Variants in ARF1 observed in about 807,000 individuals in gnomAD.
ARF1 encodes ARF GTPase 1, also known as ADP-ribosylation factor 1.
Under a neutral mutation model 18.0 loss-of-function variants are expected in ARF1, and 1 was observed. The observed-to-expected ratio is 0.06, with a 90% confidence interval of 0.02 to 0.26. The LOEUF (loss-of-function observed/expected upper bound fraction) is 0.26. Ranked by LOEUF, ARF1 falls within the 10% of genes least tolerant of loss-of-function variation. The pLI is 1.00. For missense variants in ARF1, 73 were observed against 247.2 expected, an observed-to-expected ratio of 0.30 and a Z score of 4.73; for synonymous variants, 112 against 96.3, an observed-to-expected ratio of 1.16 and a Z score of -0.95.
intron 1 of ARF1, among the ~76,000 whole-genome samples, chr1:228,087,556 A>T (rs55954688): frequency 1.2e-3 from 177 of 152,278 alleles, no homozygotes; most frequent in African/African-American, 4.1e-3. Context: ...AGAGTGGATC[A>T]CTTGAACCTA....
intron 1 of ARF1, chr1:228,091,071 G>C (rs2032562270): frequency 6.6e-6 from 1 of 152,208 alleles, no homozygotes; most frequent in Non-Finnish European, 1.5e-5. Flanking sequence ...CAAATAAGCA[G>C]GTAATGGTTC....
chr1:228,097,285 GTGGGC>G lies in ARF1; in HGVS notation c.148+39_149-37del, dbSNP rs575298975. The G allele has an allele frequency of 1.7e-5, 27 of 1,609,284 alleles. No individual in the cohort carries two copies. The highest frequency in any genetic ancestry group is 4.5e-5 in the East Asian group (2 of 44,804). On this transcript the variant is annotated intron_variant, in intron 2 of 4. Transcript: ENST00000272102. The surrounding 1 kb of genome is among the most constrained non-coding windows in gnomAD (Gnocchi z 8.1). Reference sequence around the variant, plus strand: ...TAGGTGAGGTGGGGGCCAGCAGGGAGTGGGCTGGGCTGGGCTGGGCCAAGGTACAA... The same window carrying G: ...TAGGTGAGGTGGGGGCCAGCAGGGAGTGGGCTGGGCTGGGCCAAGGTACAA...
intron 1 of ARF1, among the ~76,000 whole-genome samples, chr1:228,093,431 C>T (rs974781372): frequency 3.3e-5 from 5 of 151,968 alleles, no homozygotes; most frequent in African/African-American, 9.7e-5. Context: ...TGGAACATGC[C>T]GAGGCAGGAC....
intron 1 of ARF1, among the ~76,000 whole-genome samples, chr1:228,095,111 G>T (rs117741092): frequency 6.6e-6 from 1 of 152,070 alleles, no homozygotes; most frequent in Non-Finnish European, 1.5e-5. Context: ...CCTTCATTTT[G>T]AATTTTCCTT....
In ARF1 at chr1:228,097,546, G is replaced by C. The variant is rs201067408; in HGVS notation, c.260-45G>C. 5.6e-6 allele frequency: 9 copies of C among 1,610,320 alleles called. No individual in the cohort carries two copies. The highest frequency in any genetic ancestry group is 1.7e-5 in the Admixed American group (1 of 59,904). The stretch of plus-strand genomic sequence containing the variant: ...GGCATCGATGCCCATAGATGCGGCA[G>C]GGGGGCTGTGTTCCCATGACCATTT... On this transcript the variant is annotated intron_variant, in intron 3 of 4. Coordinates refer to ENST00000272102, the MANE Select transcript of ARF1 (RefSeq NM_001658.4). The surrounding 1 kb of genome is among the most constrained non-coding windows in gnomAD (Gnocchi z 8.1).
Position 228,097,409 on chromosome 1 carries a change from C to T in ARF1, c.216C>T (p.Asp72=), listed in dbSNP as rs2032787268. The T allele has an allele frequency of 1.9e-6, 3 of 1,614,074 alleles. No homozygotes were observed. The highest frequency in any genetic ancestry group is 1.7e-5 in the Admixed American group (1 of 60,004). The part of the protein sequence containing the change: ...SFTVWDVGGQ[D]KIRPLWRHYF... ...CTGTGTGGGACGTGGGTGGCCAGGA[C>T]AAGATCCGGCCCCTGTGGCGCCACT... Residue 72 remains aspartate, a synonymous_variant, in exon 3 of 5, where the codon GAC becomes GAT. Coordinates refer to ENST00000272102, the MANE Select transcript of ARF1 (RefSeq NM_001658.4). The surrounding 1 kb of genome is among the most constrained non-coding windows in gnomAD (Gnocchi z 8.1).
chr1:228,097,187 C>T lies in ARF1; in HGVS notation c.73C>T (p.Leu25=), dbSNP rs1454883041. 6.2e-7 allele frequency: 1 copy of T among 1,613,852 alleles called. No homozygotes were observed. The highest frequency in any genetic ancestry group is 1.3e-5 in the African/African-American group (1 of 74,926). The change falls in exon 2 of 5, where the codon CTG becomes TTG. Residue 25 remains leucine, a synonymous_variant. Transcript: ENST00000272102. This position sits in a 1 kb window ranked among gnomAD's most constrained non-coding sequence, Gnocchi z 8.1. The part of the protein sequence containing the change: ...KKEMRILMVG[L]DAAGKTTILY... ...AGAAATGCGCATCCTCATGGTGGGC[C>T]TGGATGCTGCAGGGAAGACCACGAT...
At chr1:228,091,516 G>A (rs1429901274) in intron 1 of ARF1, among the ~76,000 whole-genome samples, 1 of 152,170 alleles carries the variant, frequency 6.6e-6, no homozygotes, top group Non-Finnish European at 1.5e-5. Context: ...TCTAGAATGT[G>A]TGTGCCATCC....
chr1:228,094,167 G>A (rs1206423600), intron 1 of ARF1, among the ~76,000 whole-genome samples: 6 of 152,110 alleles, frequency 3.9e-5, no homozygotes, highest in Non-Finnish European at 4.4e-5. Flanking sequence ...GAGTGGCTGG[G>A]TGTTACTGTC....
At chr1:228,087,662 C>T (rs1571836004) in intron 1 of ARF1, among the ~76,000 whole-genome samples, 1 of 152,148 alleles carries the variant, frequency 6.6e-6, no homozygotes, top group African/African-American at 2.4e-5. Context: ...TTTATACCTA[C>T]TCATCAGCTG....
intron 1 of ARF1, among the ~76,000 whole-genome samples, chr1:228,088,766 T>C (rs1050128187): frequency 3.3e-5 from 5 of 152,154 alleles, no homozygotes; most frequent in Non-Finnish European, 7.3e-5. Flanking sequence ...TCTAGCGTGG[T>C]TGTGAAGTCA....
At chr1:228,088,937 C>T (rs1003041699) in intron 1 of ARF1, among the ~76,000 whole-genome samples, 4 of 152,192 alleles carry the variant, frequency 2.6e-5, no homozygotes, top group Non-Finnish European at 4.4e-5. Context: ...CAGCCTATTG[C>T]AAGGACCTGA....
In ARF1 at chr1:228,097,216, C is replaced by G; in HGVS notation, c.102C>G (p.Leu34=). ...ATGCTGCAGGGAAGACCACGATCCT[C>G]TACAAGCTTAAGCTGGGTGAGATCG... ...GLDAAGKTTI[L]YKLKLGEIVT... is the part of the protein sequence containing the mutation. The change falls in exon 2 of 5, where the codon CTC becomes CTG. Residue 34 remains leucine (L), a synonymous_variant. Transcript: ENST00000272102. This position sits in a 1 kb window ranked among gnomAD's most constrained non-coding sequence, Gnocchi z 8.1. 6.2e-7 allele frequency: 1 copy of G among 1,613,880 alleles called. No individual in the cohort carries two copies. Among genetic ancestry groups the G allele is most frequent in the Non-Finnish European group, 8.5e-7 (1 of 1,179,882 alleles).
chr1:228,089,412 G>T lies in ARF1; in HGVS notation c.-38+6647G>T, dbSNP rs900183516. Among the ~76,000 whole-genome samples the T allele has an allele frequency of 6.6e-6, 1 of 152,226 alleles. No individual in the cohort carries two copies. Among genetic ancestry groups the T allele is most frequent in the Non-Finnish European group, 1.5e-5 (1 of 68,038 alleles). ...CTTTACATGTCTGACTGACCAGAGT[G>T]GGGTGGGGTGGCAAGGTGGTGCTCG... On this transcript the variant is annotated intron_variant, in intron 1 of 4. Coordinates refer to ENST00000272102, the MANE Select transcript of ARF1 (RefSeq NM_001658.4). The surrounding 1 kb of genome is among the most constrained non-coding windows in gnomAD (Gnocchi z 4.1).
intron 1 of ARF1, 133 bp from the exon 2 acceptor site, chr1:228,096,945 A>G (rs889872721): frequency 2.6e-6 from 2 of 782,142 alleles, no homozygotes; most frequent in African/African-American, 3.6e-5. Context: ...CATGGGAGGC[A>G]GGGCTCTTTC....
At chr1:228,090,303 C>T (rs914917795) in intron 1 of ARF1, among the ~76,000 whole-genome samples, 1 of 151,738 alleles carries the variant, frequency 6.6e-6, no homozygotes, top group Non-Finnish European at 1.5e-5. Flanking sequence ...GGGACCTCAC[C>T]TAGGAGTTGG....
rs1300080214 is a variant in ARF1, at chr1:228,098,500, AC to A, written c.*488del. 1 of 152,966 alleles carries A rather than the reference AC, an allele frequency of 6.5e-6. No homozygotes were observed. The highest frequency in any genetic ancestry group is 1.5e-5 in the Non-Finnish European group (1 of 68,284). 9.5% of individuals were successfully genotyped at this position (152,966 alleles called of 1,614,324 possible). ...CCCCGCCTAGCATAGATTTGCAGTT[AC>A]GGCCTGGATGCCAGTCGCCAGCCCA... On this transcript the variant is annotated 3_prime_UTR_variant, in exon 5 of 5. Coordinates refer to ENST00000272102, the MANE Select transcript of ARF1 (RefSeq NM_001658.4).
At position 228,089,285 on chromosome 1, in the gene ARF1, G is replaced by A. The variant is rs2032498387; in HGVS notation, c.-38+6520G>A. ...GAAGGGAGGTCCCCAGAGTGTCCCC[G>A]GGGTGTGCCTTTCTCTCACCTAGGT... On this transcript the variant is annotated intron_variant, in intron 1 of 4. Coordinates refer to ENST00000272102, the MANE Select transcript of ARF1 (RefSeq NM_001658.4). The surrounding 1 kb of genome is among the most constrained non-coding windows in gnomAD (Gnocchi z 4.1). Among the ~76,000 whole-genome samples the A allele has an allele frequency of 6.6e-6, 1 of 152,154 alleles. No homozygotes were observed. The highest frequency in any genetic ancestry group is 2.4e-5 in the African/African-American group (1 of 41,440).
chr1:228,092,490 A>C (rs1186081875), intron 1 of ARF1, among the ~76,000 whole-genome samples: 1 of 152,222 alleles, frequency 6.6e-6, no homozygotes, highest in Non-Finnish European at 1.5e-5. Context: ...ATGTAAGCAG[A>C]GCACATCATG....
Sources: gnomAD v4.1 joint callset for allele counts (sites outside exome capture counted in the v4.1 genomes callset) on GRCh38, gnomAD v4.1.1 for gene constraint, Gnocchi (gnomAD v3.1) non-coding constraint, MANE v1.5 for transcripts, NCBI Gene and HGNC (gene_info 2026-07-23, HGNC 2026-07-21) for gene names.